The following UBE2V1 variants were observed in gnomAD, a reference collection of about 807,000 sequenced individuals.
UBE2V1 encodes ubiquitin conjugating enzyme E2 V1, also known as ubiquitin-conjugating enzyme E2 variant 1.
In UBE2V1, 15 loss-of-function variants were observed where a neutral mutation model predicts 19.6. The observed-to-expected ratio is 0.77, with a 90% CI of 0.51 to 1.18. UBE2V1 has a LOEUF of 1.18. Ranked by LOEUF, UBE2V1 falls within the 50% of genes most tolerant of loss-of-function variation. The probability of loss-of-function intolerance (pLI) is 0.00; values close to 1 mark genes in which losing one functional copy is unlikely to be tolerated. For missense variants in UBE2V1, 125 were observed against 184.8 expected (o/e 0.68, Z 1.88); for synonymous variants, 60 against 60.7 (o/e 0.99, Z 0.05).
At chr20:50,100,545 A>G (rs997062196) in intron 1 of UBE2V1, among the ~76,000 whole-genome samples, 10 of 152,084 alleles carry the variant, frequency 6.6e-5, no homozygotes, top group African/African-American at 2.4e-4. Context: ...AGGTTGCACC[A>G]CTGCACTCCA....
chr20:50,111,952 T>C (rs996382389), intron 1 of UBE2V1, among the ~76,000 whole-genome samples: 1 of 152,170 alleles, frequency 6.6e-6, no homozygotes, highest in African/African-American at 2.4e-5. Context: ...AGAACCTCCT[T>C]GGCCAACTTC....
chr20:50,090,647 G>C (rs945099102), intron 2 of UBE2V1, among the ~76,000 whole-genome samples: 1 of 152,206 alleles, frequency 6.6e-6, no homozygotes, highest in African/African-American at 2.4e-5. Flanking sequence ...GTGGTTGACA[G>C]GGACCAGGGT....
chr20:50,096,807 A>G lies in UBE2V1; in HGVS notation c.36T>C (p.Pro12=). The change falls in exon 2 of 4, where the codon CCT becomes CCC. Residue 12 remains proline, a synonymous_variant. Coordinates refer to ENST00000371674, the MANE Select transcript of UBE2V1 (RefSeq NM_001032288.3). ...AATTGSGVKV[P]RNFRLLEELE... is the part of the protein sequence containing the mutation. Reference sequence around the variant, plus strand: ...GTTCTTCCAACAGTCGGAAATTGCGAGGGACTTTTACTCCTAAAATAAATG... The same window carrying G: ...GTTCTTCCAACAGTCGGAAATTGCGGGGGACTTTTACTCCTAAAATAAATG... 6.2e-7 allele frequency: 1 copy of G among 1,613,940 alleles called. No homozygotes were observed. The highest frequency in any genetic ancestry group is 8.5e-7 in the Non-Finnish European group (1 of 1,179,890).
chr20:50,115,808 G>A (rs1442674064), upstream of UBE2V1: 3 of 408,218 alleles, frequency 7.3e-6, no homozygotes, highest in South Asian at 1.1e-4. Context: ...CAGGTGGAGA[G>A]GATGAGGATT....
At chr20:50,090,506 A>G (rs952034297) in intron 2 of UBE2V1, among the ~76,000 whole-genome samples, 4 of 151,732 alleles carry the variant, frequency 2.6e-5, no homozygotes, top group Non-Finnish European at 4.4e-5. Context: ...CTTGCTAGTC[A>G]TGACAACATA....
Position 50,081,469 on chromosome 20 carries a change from A to C in UBE2V1, c.*1299T>G, listed in dbSNP as rs1476701953. On this transcript the variant is annotated 3_prime_UTR_variant, in exon 4 of 4. Transcript: ENST00000371674. ...GACGCAGCAATTTGCCAGGAGGTCA[A>C]GCCCACCAATTTCGGGGATCTGCTG... The C allele has an allele frequency of 6.6e-6, 1 of 152,652 alleles. No individual in the cohort carries two copies. Among genetic ancestry groups the C allele is most frequent in the Non-Finnish European group, 1.5e-5 (1 of 68,068 alleles). The allele number at this position is 152,652 out of a possible 1,614,324, so 9.5% of individuals were successfully genotyped here.
intron 1 of UBE2V1, among the ~76,000 whole-genome samples, chr20:50,108,785 A>C (rs1206178679): frequency 6.6e-6 from 1 of 152,172 alleles, no homozygotes; most frequent in African/African-American, 2.4e-5. Flanking sequence ...TATAAGCAAG[A>C]GCTTCCTGAA....
chr20:50,091,097 A>C (rs887831035), intron 2 of UBE2V1, among the ~76,000 whole-genome samples: 4 of 152,088 alleles, frequency 2.6e-5, no homozygotes, highest in African/African-American at 9.7e-5. Context: ...CCCAGGTTGG[A>C]GTCCAGTGGT....
At chr20:50,088,169 T>C (rs1407259907) in intron 2 of UBE2V1, among the ~76,000 whole-genome samples, 5 of 145,780 alleles carry the variant, frequency 3.4e-5, no homozygotes, top group Non-Finnish European at 7.5e-5. Flanking sequence ...CCAGTACTCC[T>C]CAAAACAGCC....
At chr20:50,108,850 G>T in intron 1 of UBE2V1, 1 of 800,342 alleles carries the variant, frequency 1.2e-6, no homozygotes, top group Non-Finnish European at 1.5e-6. Flanking sequence ...ACAAACAGTG[G>T]CCAGAGATGC....
At chr20:50,107,438 C>T (rs2080460888) in intron 1 of UBE2V1, among the ~76,000 whole-genome samples, 1 of 152,212 alleles carries the variant, frequency 6.6e-6, no homozygotes, top group Non-Finnish European at 1.5e-5. Context: ...CTGTGTTCTG[C>T]TGCTAGGGTC....
intron 1 of UBE2V1, among the ~76,000 whole-genome samples, chr20:50,108,137 G>A (rs1356724458): frequency 2.0e-5 from 3 of 152,226 alleles, no homozygotes; most frequent in East Asian, 3.8e-4. Flanking sequence ...TTTTACGTCT[G>A]TGAAAGATCA....
In UBE2V1 at chr20:50,109,037, C is replaced by T. The variant is rs868656661; in HGVS notation, c.22+4070G>A. 11 of 985,322 alleles carry T rather than the reference C, an allele frequency of 1.1e-5. No homozygotes were observed. In the African/African-American group the frequency reaches 1.6e-4, roughly 14 times the overall value. The allele number at this position is 985,322 out of a possible 1,614,324, so 61.0% of individuals were successfully genotyped here. ...AAAAATGCCTGGGCTCTAGTCCGAG[C>T]ATCACCAGTCTCCCTTGGCTTTTGG... On this transcript the variant is annotated intron_variant, in intron 1 of 3. Coordinates refer to ENST00000371674, the MANE Select transcript of UBE2V1 (RefSeq NM_001032288.3).
At chr20:50,091,982 A>G (rs967539983) in intron 2 of UBE2V1, among the ~76,000 whole-genome samples, 2 of 152,106 alleles carry the variant, frequency 1.3e-5, no homozygotes, top group African/African-American at 2.4e-5. Flanking sequence ...AAGCATGGGT[A>G]CCAGTACTCC....
At chr20:50,111,651 T>C (rs1006252330) in intron 1 of UBE2V1, 2 of 953,574 alleles carry the variant, frequency 2.1e-6, no homozygotes, top group Admixed American at 6.2e-5. Flanking sequence ...CAGCAGCTTG[T>C]GGTGGGTCAC....
rs1272049911 is a variant in UBE2V1, at chr20:50,082,507, T to C, written c.*261A>G. 2 of 487,424 alleles carry C rather than the reference T, an allele frequency of 4.1e-6. No individual in the cohort carries two copies. The highest frequency in any genetic ancestry group is 4.5e-5 in the East Asian group (1 of 22,276). The allele number at this position is 487,424 out of a possible 1,614,324, so 30.2% of individuals were successfully genotyped here. A position where few individuals can be genotyped will look rare whatever the true frequency, so the allele number is the denominator to read the frequency against. On this transcript the variant is annotated 3_prime_UTR_variant, in exon 4 of 4. Coordinates refer to ENST00000371674, the MANE Select transcript of UBE2V1 (RefSeq NM_001032288.3). ...GATGGGAATCAATTTAAATAGACTT[T>C]CTTGATCCCAGAAGTTCAACTACGT...
At chr20:50,107,250 A>G (rs1395794568) in intron 1 of UBE2V1, among the ~76,000 whole-genome samples, 8 of 152,210 alleles carry the variant, frequency 5.3e-5, no homozygotes, top group African/African-American at 1.9e-4. Flanking sequence ...TCAGCCCAGA[A>G]TTCCTGAATC....
intron 1 of UBE2V1, among the ~76,000 whole-genome samples, chr20:50,106,941 A>G (rs2080427165): frequency 6.6e-6 from 1 of 152,202 alleles, no homozygotes; most frequent in South Asian, 2.1e-4. Context: ...CTGCTAGTTA[A>G]AAATGGTTTG....
At position 50,106,693 on chromosome 20, in the gene UBE2V1, G is replaced by T. The variant is rs370446422; in HGVS notation, c.22+6414C>A. ...TAAAAATACAAAATTAGCTGGGCGT[G>T]GTGGCGCATGCCTGTAATCGAGCTA... On this transcript the variant is annotated intron_variant, in intron 1 of 3. Coordinates refer to ENST00000371674, the MANE Select transcript of UBE2V1 (RefSeq NM_001032288.3). Among the ~76,000 whole-genome samples, 28 of 73,024 alleles carry T rather than the reference G, an allele frequency of 3.8e-4. No individual in the cohort carries two copies. In the Admixed American group the frequency reaches 4.1e-3, roughly 11 times the overall value. 47.9% of individuals were successfully genotyped at this position (73,024 alleles called of 152,430 possible).
Sources: allele counts gnomAD v4.1 joint callset (sites outside exome capture counted in the v4.1 genomes callset), GRCh38; gene constraint gnomAD v4.1.1; transcripts MANE v1.5; gene names NCBI Gene and HGNC (gene_info 2026-07-23, HGNC 2026-07-21).